The following DDX39A variants were observed in gnomAD, a reference collection of about 807,000 sequenced individuals.
DDX39A encodes the protein ATP-dependent RNA helicase DDX39A.
DDX39A carries 13 observed loss-of-function variants against 46.3 expected under a neutral mutation model. The ratio of observed to expected loss-of-function variants is 0.28; its 90% CI spans 0.18 to 0.45. The LOEUF (loss-of-function observed/expected upper bound fraction) is 0.45, where lower values mean the gene tolerates loss of function less well. Ranked by LOEUF, DDX39A falls within the 20% of genes least tolerant of loss-of-function variation. DDX39A has a pLI of 1.00. For missense variants in DDX39A, 352 were observed against 581.8 expected, an observed-to-expected ratio of 0.61 and a Z score of 4.06; for synonymous variants, 234 against 224.6, an observed-to-expected ratio of 1.04 and a Z score of -0.38.
Position 14,419,265 on chromosome 19 carries a change from C to T in DDX39A, c.-5+5G>A, listed in dbSNP as rs979321775. ...GCGGCCCCGCGCCCGGGATCCGCTGCTCACCTGGCTCCCCGTTCTTCTCCG... is the reference window on the plus strand; with the variant it reads ...GCGGCCCCGCGCCCGGGATCCGCTGTTCACCTGGCTCCCCGTTCTTCTCCG... On this transcript the variant is annotated splice_donor_5th_base_variant and intron_variant, in intron 1 of 10. Transcript: ENST00000242776. 6.5e-5 allele frequency: 18 copies of T among 275,978 alleles called. No individual in the cohort carries two copies. Among genetic ancestry groups the T allele is most frequent in the Non-Finnish European group, 1.2e-4 (17 of 138,164 alleles). The allele number at this position is 275,978 out of a possible 1,614,324, so 17.1% of individuals were successfully genotyped here.
chr19:14,412,866 C>A lies in DDX39A; in HGVS notation c.208+147G>T. The A allele has an allele frequency of 7.9e-7, 1 of 1,258,582 alleles. No individual in the cohort carries two copies. Among genetic ancestry groups the A allele is most frequent in the Non-Finnish European group, 1.1e-6 (1 of 919,290 alleles). The allele number at this position is 1,258,582 out of a possible 1,614,324, so 78.0% of individuals were successfully genotyped here. A position where few individuals can be genotyped will look rare whatever the true frequency, so the allele number is the denominator to read the frequency against. On this transcript the variant is annotated intron_variant, in intron 2 of 10. Coordinates refer to ENST00000242776, the MANE Select transcript of DDX39A (RefSeq NM_005804.4). The surrounding 1 kb of genome is among the most constrained non-coding windows in gnomAD (Gnocchi z 4.4). ...AACGCCCCACTGCCGAGGGCAGCCA[C>A]AGGCCCCGCTGGGCACAACTGATCC...
rs578171038 is a variant in DDX39A at position 14,409,128 on chromosome 19, G to A, written c.1176C>T (p.Asp392=). The A allele has an allele frequency of 4.5e-5, 72 of 1,614,184 alleles. No individual in the cohort carries two copies. The South Asian group carries it at 6.9e-4, about 16-fold the overall frequency. Residue 392 remains aspartate, a synonymous_variant, in exon 10 of 11, where the codon GAC becomes GAT. Coordinates refer to ENST00000242776, the MANE Select transcript of DDX39A (RefSeq NM_005804.4). The surrounding 1 kb of genome is among the most constrained non-coding windows in gnomAD (Gnocchi z 8.3). ...CATTGAGGATTTTGGCATCATTCTCGTCAGACACAAAAGTGATGGCTAGGC... is the reference window on the plus strand; with the variant it reads ...CATTGAGGATTTTGGCATCATTCTCATCAGACACAAAAGTGATGGCTAGGC... ...TKGLAITFVS[D]ENDAKILNDV...
intron 1 of DDX39A, among the ~76,000 whole-genome samples, chr19:14,414,837 C>T (rs1312424987): frequency 3.3e-5 from 5 of 149,686 alleles, no homozygotes; most frequent in South Asian, 2.1e-4. Context: ...TGGTGGCAGG[C>T]GCCTATAATC....
rs1976507689 is a variant in DDX39A, at chr19:14,410,069, T to C, written c.732+147A>G. 1.9e-6 allele frequency: 2 copies of C among 1,030,780 alleles called. No individual in the cohort carries two copies. Among genetic ancestry groups the C allele is most frequent in the Non-Finnish European group, 3.0e-6 (2 of 668,378 alleles). The allele number at this position is 1,030,780 out of a possible 1,614,324, so 63.9% of individuals were successfully genotyped here. A position where few individuals can be genotyped will look rare whatever the true frequency, so the allele number is the denominator to read the frequency against. On this transcript the variant is annotated intron_variant, in intron 6 of 10. Transcript: ENST00000242776. The surrounding 1 kb of genome is among the most constrained non-coding windows in gnomAD (Gnocchi z 4.3). ...GGTGTGGACCAAGCTTGACTCCCAGTTTGACAAGACCGAGGGGAGGAAAGG... is the reference window on the plus strand; with the variant it reads ...GGTGTGGACCAAGCTTGACTCCCAGCTTGACAAGACCGAGGGGAGGAAAGG...
At position 14,410,355 on chromosome 19, in the gene DDX39A, A is replaced by G. The variant is rs575943461; in HGVS notation, c.614-21T>C. On this transcript the variant is annotated intron_variant, in intron 5 of 10. Transcript: ENST00000242776. The surrounding 1 kb of genome is among the most constrained non-coding windows in gnomAD (Gnocchi z 4.3). ...CATGTCTAGGTGGGGAGGGCAAGAC[A>G]TGGGTGGGCATGAGCGTCTGCCATG... is the stretch of plus-strand genomic sequence containing the variant. 23 of 1,602,600 alleles carry G rather than the reference A, an allele frequency of 1.4e-5. 1 individual carries two copies. Among genetic ancestry groups the G allele is most frequent in the African/African-American group, 1.2e-4 (9 of 74,646 alleles).
In DDX39A at chr19:14,409,718, A is replaced by G. The variant is rs1295332703; in HGVS notation, c.864+24T>C. 5 of 1,613,766 alleles carry G rather than the reference A, an allele frequency of 3.1e-6. No individual in the cohort carries two copies. On this transcript the variant is annotated intron_variant, in intron 7 of 10. Transcript: ENST00000242776. The surrounding 1 kb of genome is among the most constrained non-coding windows in gnomAD (Gnocchi z 8.3). The stretch of plus-strand genomic sequence containing the variant: ...TGACCTCCCGAAGGTCCTGAGCCCC[A>G]GGACAGGCTGATGGAAGTATCACCT...
At chr19:14,419,373 G>A (rs905963275), upstream of DDX39A, 7 of 211,598 alleles carry the variant, frequency 3.3e-5, no homozygotes, top group Non-Finnish European at 6.9e-5. Flanking sequence ...CTCTTGCGTC[G>A]GGCTGCTGCT....
Position 14,409,763 on chromosome 19 carries a change from CAA to C in DDX39A, c.841_842del (p.Leu281GlyfsTer6). ...SEKNRKLFDL[L>X]DVLEFNQVII... ...TCACCTGGTTAAACTCCAGCACATCCAAGAGATCAAAGAGCTTGCGGTTCTTC... is the reference window on the plus strand; with the variant it reads ...TCACCTGGTTAAACTCCAGCACATCCGAGATCAAAGAGCTTGCGGTTCTTC... On this transcript the variant is annotated frameshift_variant, in exon 7 of 11. Coordinates refer to ENST00000242776, the MANE Select transcript of DDX39A (RefSeq NM_005804.4). LOFTEE classifies it high-confidence loss of function. This position sits in a 1 kb window ranked among gnomAD's most constrained non-coding sequence, Gnocchi z 8.3. The C allele has an allele frequency of 6.2e-7, 1 of 1,614,156 alleles. No individual in the cohort carries two copies. The highest frequency in any genetic ancestry group is 8.5e-7 in the Non-Finnish European group (1 of 1,180,032).
At position 14,411,737 on chromosome 19, in the gene DDX39A, C is replaced by T. The variant is rs1215216916; in HGVS notation, c.337-139G>A. ...TTGAAGGCCCGGTCCAAATGCCTCC[C>T]ACTTCTCACGGCCCTTCCCCACCCC... On this transcript the variant is annotated intron_variant, in intron 3 of 10. Coordinates refer to ENST00000242776, the MANE Select transcript of DDX39A (RefSeq NM_005804.4). This position sits in a 1 kb window ranked among gnomAD's most constrained non-coding sequence, Gnocchi z 4.1. 1.1e-5 allele frequency: 8 copies of T among 698,074 alleles called. No individual in the cohort carries two copies. In the East Asian group the frequency reaches 2.2e-4, roughly 19 times the overall value. 43.2% of individuals were successfully genotyped at this position (698,074 alleles called of 1,614,324 possible).
chr19:14,415,928 C>T, intron 1 of DDX39A: 2 of 172,482 alleles, frequency 1.2e-5, no homozygotes, highest in Non-Finnish European at 1.3e-5. Context: ...CAAAAATGTG[C>T]CGGGTGTGGT....
In DDX39A at chr19:14,417,041, C is replaced by T. The variant is rs191053446; in HGVS notation, c.-5+2229G>A. The stretch of plus-strand genomic sequence containing the variant: ...AACTGCTAATTAGATTGGAGCTGAG[C>T]CACTCAATCAGGATCTGCCCAAGAG... On this transcript the variant is annotated intron_variant, in intron 1 of 10. Coordinates refer to ENST00000242776, the MANE Select transcript of DDX39A (RefSeq NM_005804.4). 1.5e-3 allele frequency among the ~76,000 whole-genome samples: 229 copies of T among 152,258 alleles called. 1 individual carries two copies. The highest frequency in any genetic ancestry group is 2.7e-3 in the Non-Finnish European group (186 of 68,024).
In DDX39A at chr19:14,412,948, G is replaced by A. The variant is rs563595861; in HGVS notation, c.208+65C>T. On this transcript the variant is annotated intron_variant, in intron 2 of 10. Coordinates refer to ENST00000242776, the MANE Select transcript of DDX39A (RefSeq NM_005804.4). The surrounding 1 kb of genome is among the most constrained non-coding windows in gnomAD (Gnocchi z 4.4). ...GCAAACTGGAGGCGGCACCGCTCTG[G>A]GCGGGCAGGGCTGGTCTTGTCTTGG... 1.4e-5 allele frequency: 22 copies of A among 1,546,430 alleles called. No individual in the cohort carries two copies. Among genetic ancestry groups the A allele is most frequent in the Middle Eastern group, 3.5e-4 (2 of 5,772 alleles).
Position 14,411,598 on chromosome 19 carries a change from C to T in DDX39A, c.337G>A (p.Val113Met). The T allele has an allele frequency of 1.3e-6, 2 of 1,599,078 alleles. No individual in the cohort carries two copies. The highest frequency in any genetic ancestry group is 2.9e-5 in the African/African-American group (2 of 68,068). ...LQQIEPVNGQ[V>M]TVLVMCHTRE... is the part of the protein sequence containing the mutation. ...GTGTGGCACATGACCAGGACCGTCACCTGGGAAGTGGCATAAGAAGAGGGC... is the reference window on the plus strand; with the variant it reads ...GTGTGGCACATGACCAGGACCGTCATCTGGGAAGTGGCATAAGAAGAGGGC... Residue 113 changes from valine to methionine, a missense_variant and splice_region_variant, in exon 4 of 11, where the codon GTG becomes ATG. Around this residue, in one of 3 missense-constraint regions of DDX39A, gnomAD observed 301 missense variants for 469.9 expected, o/e 0.64. Transcript: ENST00000242776. The surrounding 1 kb of genome is among the most constrained non-coding windows in gnomAD (Gnocchi z 4.1).
chr19:14,416,402 T>G (rs1976811157), intron 1 of DDX39A: 1 of 151,772 alleles, frequency 6.6e-6, no homozygotes, highest in African/African-American at 2.4e-5. Flanking sequence ...CAGTCAGCCC[T>G]GCCCTGTGAG....
rs762891875 is a variant in DDX39A at position 14,409,732 on chromosome 19, G to C, written c.864+10C>G. ...TCCTGAGCCCCAGGACAGGCTGATG[G>C]AAGTATCACCTGGTTAAACTCCAGC... On this transcript the variant is annotated intron_variant, in intron 7 of 10. Coordinates refer to ENST00000242776, the MANE Select transcript of DDX39A (RefSeq NM_005804.4). The surrounding 1 kb of genome is among the most constrained non-coding windows in gnomAD (Gnocchi z 8.3). 6.2e-7 allele frequency: 1 copy of C among 1,614,132 alleles called. No homozygotes were observed. Among genetic ancestry groups the C allele is most frequent in the South Asian group, 1.1e-5 (1 of 91,086 alleles).
chr19:14,414,762 G>A (rs1407402408), intron 1 of DDX39A, among the ~76,000 whole-genome samples: 5 of 148,240 alleles, frequency 3.4e-5, no homozygotes, highest in African/African-American at 9.8e-5. Flanking sequence ...TCAGGAGTTC[G>A]AGACCAGCCT....
chr19:14,413,484 C>T (rs1272104362), intron 1 of DDX39A, among the ~76,000 whole-genome samples: 1 of 151,734 alleles, frequency 6.6e-6, no homozygotes, highest in Admixed American at 6.6e-5. Flanking sequence ...AAAATCCCAA[C>T]TCTCACCACA....
In DDX39A at chr19:14,408,961, C is replaced by G. The variant is rs867431700; in HGVS notation, c.1268-9G>C. 1.4e-5 allele frequency: 22 copies of G among 1,606,044 alleles called. No homozygotes were observed. Among genetic ancestry groups the G allele is most frequent in the Middle Eastern group, 3.3e-4 (2 of 6,052 alleles). The stretch of plus-strand genomic sequence containing the variant: ...TTACCGGCTCTGCTCGACTGTAAGA[C>G]ATGAGATGCAGTGAACTGAAGGGCC... On this transcript the variant is annotated splice_polypyrimidine_tract_variant and intron_variant, in intron 10 of 10. Coordinates refer to ENST00000242776, the MANE Select transcript of DDX39A (RefSeq NM_005804.4).
intron 1 of DDX39A, among the ~76,000 whole-genome samples, chr19:14,418,271 C>T (rs570748367): frequency 2.0e-5 from 3 of 152,022 alleles, no homozygotes; most frequent in Non-Finnish European, 4.4e-5. Context: ...CGGGGTTTTC[C>T]CCGCCCAAAG....
Sources: gnomAD v4.1 joint callset for allele counts (sites outside exome capture counted in the v4.1 genomes callset) on GRCh38, gnomAD v4.1.1 for gene constraint, gnomAD v4.1.1 regional missense constraint, Gnocchi (gnomAD v3.1) non-coding constraint, MANE v1.5 for transcripts, NCBI Gene and HGNC (gene_info 2026-07-23, HGNC 2026-07-21) for gene names.